MEF2C: variants seen among roughly 807,000 people sequenced by gnomAD.
MEF2C encodes the protein myocyte-specific enhancer factor 2C.
MEF2C carries 6 observed loss-of-function variants against 50.5 expected under a neutral mutation model. That is an observed-to-expected ratio of 0.12 (90% CI 0.07 to 0.23). The LOEUF (loss-of-function observed/expected upper bound fraction) is 0.23. Ranked by LOEUF, MEF2C falls within the 10% of genes least tolerant of loss-of-function variation. The probability of loss-of-function intolerance (pLI) is 1.00; values close to 1 mark genes in which losing one functional copy is unlikely to be tolerated. For synonymous variants in MEF2C, 183 were observed against 228.0 expected (o/e 0.80, Z 1.78); for missense variants, 276 against 605.0 (o/e 0.46, Z 5.70).
chr5:88,874,338 A>G (rs530819924), intron 1 of MEF2C, among the ~76,000 whole-genome samples: 1 of 152,088 alleles, frequency 6.6e-6, no homozygotes, highest in South Asian at 2.1e-4. Context: ...TGTTCCAGAG[A>G]ATTTCCAAGA....
intron 7 of MEF2C, 189 bp downstream of exon 7, chr5:88,731,540 C>T (rs953833751): frequency 2.1e-5 from 11 of 536,548 alleles, no homozygotes; most frequent in African/African-American, 1.5e-4. Context: ...ATTTTTTTTA[C>T]ACGGAAAAGG....
At chr5:88,756,782 T>G (rs1561849970) in intron 4 of MEF2C, among the ~76,000 whole-genome samples, 4 of 118,686 alleles carry the variant, frequency 3.4e-5, no homozygotes, top group Admixed American at 1.6e-4. Context: ...CATCTACATT[T>G]AAACAATTTT....
At chr5:88,751,748 G>C in intron 5 of MEF2C, 109 bp downstream of exon 5, 1 of 1,267,210 alleles carries the variant, frequency 7.9e-7, no homozygotes, top group Non-Finnish European at 1.1e-6. Context: ...AGCCATGAAG[G>C]AGAGTAAGTG....
intron 3 of MEF2C, among the ~76,000 whole-genome samples, chr5:88,780,394 A>T (rs1787340309): frequency 6.6e-6 from 1 of 152,150 alleles, no homozygotes; most frequent in South Asian, 2.1e-4. Flanking sequence ...TCCCCAAATC[A>T]CAGTTCGTCT....
At chr5:88,889,994 G>A (rs1273959696) in intron 1 of MEF2C, among the ~76,000 whole-genome samples, 3 of 152,200 alleles carry the variant, frequency 2.0e-5, no homozygotes, top group African/African-American at 7.2e-5. Flanking sequence ...AGCAAGAGGG[G>A]CTCTGCAGGT....
intron 1 of MEF2C, among the ~76,000 whole-genome samples, chr5:88,892,636 C>T (rs1322097817): frequency 6.6e-6 from 1 of 152,092 alleles, no homozygotes; most frequent in Non-Finnish European, 1.5e-5. Context: ...GCCTTATTTC[C>T]CTTTCACTGA....
At chr5:88,900,608 A>G (rs1835553933) in intron 1 of MEF2C, among the ~76,000 whole-genome samples, 1 of 151,924 alleles carries the variant, frequency 6.6e-6, no homozygotes, top group South Asian at 2.1e-4. Context: ...TAGTCTTTGT[A>G]TTTTTTAGAA....
At chr5:88,901,836 G>A (rs1835686749) in intron 1 of MEF2C, among the ~76,000 whole-genome samples, 1 of 151,886 alleles carries the variant, frequency 6.6e-6, no homozygotes, top group Non-Finnish European at 1.5e-5. Context: ...TTTAGATTAA[G>A]TCTACAATTC....
intron 4 of MEF2C, among the ~76,000 whole-genome samples, chr5:88,753,028 G>A (rs530513519): frequency 6.6e-6 from 1 of 152,184 alleles, no homozygotes; most frequent in African/African-American, 2.4e-5. Context: ...TCCCTTGGGG[G>A]TTCTCAATAA....
intron 1 of MEF2C, among the ~76,000 whole-genome samples, chr5:88,877,254 C>G (rs1347072597): frequency 6.6e-6 from 1 of 151,968 alleles, no homozygotes; most frequent in Non-Finnish European, 1.5e-5. Flanking sequence ...TCTTCATGTA[C>G]TTTGAACTTT....
At chr5:88,869,252 CATATAT>C (rs369495366) in intron 1 of MEF2C, among the ~76,000 whole-genome samples, 70 of 89,980 alleles carry the variant, frequency 7.8e-4, no homozygotes, top group South Asian at 1.1e-3. Flanking sequence ...AACTAGTTTT[CATATAT>C]ATATATATAT....
chr5:88,823,838 CTT>C lies in MEF2C; in HGVS notation c.-52_-51del, dbSNP rs909400923. ...CGTCCCTGAAATTATGTATTTTTTC[CTT>C]CCTTTTCTTTCTCTTTCCTGTTTCC... On this transcript the variant is annotated 5_prime_UTR_variant, in exon 2 of 11. Coordinates refer to ENST00000504921, the MANE Select transcript of MEF2C (RefSeq NM_002397.5). 1.3e-6 allele frequency: 2 copies of C among 1,599,624 alleles called. No individual in the cohort carries two copies. Among genetic ancestry groups the C allele is most frequent in the African/African-American group, 2.7e-5 (2 of 74,158 alleles).
intron 3 of MEF2C, among the ~76,000 whole-genome samples, chr5:88,803,498 C>T (rs986009057): frequency 6.6e-6 from 1 of 152,152 alleles, no homozygotes; most frequent in African/African-American, 2.4e-5. Context: ...GCAAGAATGA[C>T]GTGTACTCTG....
intron 1 of MEF2C, among the ~76,000 whole-genome samples, chr5:88,858,597 C>T (rs1475077712): frequency 6.6e-6 from 1 of 152,136 alleles, no homozygotes; most frequent in African/African-American, 2.4e-5. Flanking sequence ...CACCTATGTC[C>T]TTATCCTCAT....
At chr5:88,830,607 T>G (rs1404909838) in intron 1 of MEF2C, among the ~76,000 whole-genome samples, 2 of 152,066 alleles carry the variant, frequency 1.3e-5, no homozygotes, top group East Asian at 3.9e-4. Context: ...CAAAATAAAC[T>G]CCAAATGGTC....
chr5:88,786,972 CCAGTAA>C (rs1791246575), intron 3 of MEF2C, among the ~76,000 whole-genome samples: 1 of 152,192 alleles, frequency 6.6e-6, no homozygotes, highest in Non-Finnish European at 1.5e-5. Flanking sequence ...AGATGCATCA[CCAGTAA>C]CTGGCAGAAT....
intron 10 of MEF2C, among the ~76,000 whole-genome samples, chr5:88,724,952 G>T (rs958608028): frequency 9.2e-5 from 14 of 152,088 alleles, no homozygotes; most frequent in African/African-American, 3.4e-4. Context: ...AAATACTTTT[G>T]CTTGCTCTTT....
intron 3 of MEF2C, among the ~76,000 whole-genome samples, chr5:88,795,046 C>G (rs961529243): frequency 1.3e-5 from 2 of 152,064 alleles, no homozygotes; most frequent in African/African-American, 4.8e-5. Context: ...GTTGCTTTAG[C>G]CTTGTGGTAT....
intron 1 of MEF2C, among the ~76,000 whole-genome samples, chr5:88,848,446 A>G (rs546782975): frequency 9.2e-5 from 14 of 152,286 alleles, no homozygotes; most frequent in South Asian, 2.1e-4. Flanking sequence ...ACACATTTCT[A>G]TCTCTCTACA....
Sources: gnomAD v4.1 joint callset for allele counts (sites outside exome capture counted in the v4.1 genomes callset) on GRCh38, gnomAD v4.1.1 for gene constraint, MANE v1.5 for transcripts, NCBI Gene and HGNC (gene_info 2026-07-23, HGNC 2026-07-21) for gene names.